The following BMP3 variants were observed in gnomAD, a reference collection of about 807,000 sequenced individuals.
The protein encoded by BMP3 is bone morphogenetic protein 3.
Under a neutral mutation model 38.1 loss-of-function variants are expected in BMP3, and 23 were observed. The ratio of observed to expected loss-of-function variants is 0.60; its 90% CI spans 0.43 to 0.86. The LOEUF is 0.86. Among genes scored for constraint, BMP3 ranks in the 40% least tolerant of loss-of-function variants. The pLI is 0.00. For missense variants in BMP3, 628 were observed against 579.6 expected, an observed-to-expected ratio of 1.08 and a Z score of -0.86; for synonymous variants, 258 against 225.7, an observed-to-expected ratio of 1.14 and a Z score of -1.28.
intron 1 of BMP3, among the ~76,000 whole-genome samples, chr4:81,036,032 A>G (rs10031561): frequency 0.67 from 102,118 of 151,830 alleles, 39,282 homozygotes; most frequent in Non-Finnish European, 0.85. Flanking sequence ...GCATTGTACC[A>G]TCTTCCTGCT....
intron 2 of BMP3, among the ~76,000 whole-genome samples, chr4:81,051,395 C>T (rs1213002808): frequency 6.6e-6 from 1 of 152,114 alleles, no homozygotes; most frequent in Non-Finnish European, 1.5e-5. Flanking sequence ...CAGCAATGCA[C>T]AGGAGAATTT....
rs1490953520 is a variant in BMP3 at position 81,046,795 on chromosome 4, T to C, written c.1227+147T>C. On this transcript the variant is annotated intron_variant, in intron 2 of 2. Transcript: ENST00000282701. The stretch of plus-strand genomic sequence containing the variant: ...ATTGGGACCCTTATTTACTACATTC[T>C]AAACCATAATAGGTAATATGGTTAT... 4 of 848,230 alleles carry C rather than the reference T, an allele frequency of 4.7e-6. No individual in the cohort carries two copies. The East Asian group carries it at 9.9e-5, about 21-fold the overall frequency. The allele number at this position is 848,230 out of a possible 1,614,324, so 52.5% of individuals were successfully genotyped here.
intron 2 of BMP3, among the ~76,000 whole-genome samples, chr4:81,047,992 T>C (rs916313607): frequency 1.3e-5 from 2 of 149,942 alleles, no homozygotes; most frequent in Non-Finnish European, 3.0e-5. Context: ...AGCACAAGGC[T>C]GGGTTAGCCT....
chr4:81,031,236 G>C lies in BMP3; in HGVS notation c.-49G>C, dbSNP rs762652353. 6 of 1,506,538 alleles carry C rather than the reference G, an allele frequency of 4.0e-6. No homozygotes were observed. The South Asian group carries it at 5.3e-5, about 13-fold the overall frequency. The allele number at this position is 1,506,538 out of a possible 1,614,324, so 93.3% of individuals were successfully genotyped here. On this transcript the variant is annotated 5_prime_UTR_variant, in exon 1 of 3. Coordinates refer to ENST00000282701, the MANE Select transcript of BMP3 (RefSeq NM_001201.5). ...GCCGCCGGCTCCTTGCGCCTTCGGA[G>C]TGTCCCGCAGCGACGCCGGGAGCCG...
At chr4:81,035,032 T>C (rs1282745937) in intron 1 of BMP3, among the ~76,000 whole-genome samples, 2 of 152,074 alleles carry the variant, frequency 1.3e-5, no homozygotes, top group African/African-American at 4.8e-5. Flanking sequence ...AATTTAAAAG[T>C]ACTTGGATAA....
chr4:81,046,489 G>T lies in BMP3; in HGVS notation c.1068G>T (p.Leu356=). The T allele has an allele frequency of 6.2e-7, 1 of 1,614,026 alleles. No individual in the cohort carries two copies. The highest frequency in any genetic ancestry group is 8.5e-7 in the Non-Finnish European group (1 of 1,179,980). The part of the protein sequence containing the change: ...SQTLQFDEQT[L]KKARRKQWIE... ...CGCTCCAATTTGATGAGCAGACCCT[G>T]AAAAAGGCAAGGAGAAAGCAGTGGA... The change falls in exon 2 of 3, where the codon CTG becomes CTT. Residue 356 remains leucine, a synonymous_variant. Transcript: ENST00000282701.
chr4:81,038,716 T>C (rs1462311553), intron 1 of BMP3, among the ~76,000 whole-genome samples: 3 of 152,224 alleles, frequency 2.0e-5, no homozygotes, highest in Non-Finnish European at 2.9e-5. Flanking sequence ...GTTTTTATGC[T>C]TTGGTGTTAA....
chr4:81,052,305 A>G (rs6854139), intron 2 of BMP3, among the ~76,000 whole-genome samples: 1 of 152,158 alleles, frequency 6.6e-6, no homozygotes, highest in Non-Finnish European at 1.5e-5. Flanking sequence ...CTAAAAGAGG[A>G]ATCGAGAAAC....
Position 81,053,600 on chromosome 4 carries a change from T to TA in BMP3, c.*64_*65insA, listed in dbSNP as rs1740459040. ...TAGTTTATTTTTATGGACTTCTTCC[T>TA]GTTTTTTTTTTTTTTTTTTTTGCAC... On this transcript the variant is annotated 3_prime_UTR_variant, in exon 3 of 3. Coordinates refer to ENST00000282701, the MANE Select transcript of BMP3 (RefSeq NM_001201.5). 1 of 835,230 alleles carries TA rather than the reference T, an allele frequency of 1.2e-6. No homozygotes were observed. Among genetic ancestry groups the TA allele is most frequent in the Admixed American group, 5.7e-5 (1 of 17,630 alleles). The allele number at this position is 835,230 out of a possible 1,614,324, so 51.7% of individuals were successfully genotyped here.
rs1471672122 is a variant in BMP3 at position 81,056,174 on chromosome 4, A to T, written c.*2638A>T. The T allele has an allele frequency of 6.6e-6, 1 of 152,096 alleles. No individual in the cohort carries two copies. The highest frequency in any genetic ancestry group is 1.5e-5 in the Non-Finnish European group (1 of 68,022). 9.4% of individuals were successfully genotyped at this position (152,096 alleles called of 1,614,324 possible). ...GAAGCTTTAGAAATCTCCTGATATT[A>T]AATTATTAAATTGGCATTCATGAAA... is the stretch of plus-strand genomic sequence containing the variant. On this transcript the variant is annotated 3_prime_UTR_variant, in exon 3 of 3. Transcript: ENST00000282701.
chr4:81,048,761 G>A (rs1372059239), intron 2 of BMP3, among the ~76,000 whole-genome samples: 1 of 152,158 alleles, frequency 6.6e-6, no homozygotes, highest in Non-Finnish European at 1.5e-5. Flanking sequence ...ATAATTAAAT[G>A]TACACGCTTG....
intron 2 of BMP3, among the ~76,000 whole-genome samples, chr4:81,053,028 TA>T (rs970977868): frequency 1.1e-4 from 16 of 152,190 alleles, no homozygotes; most frequent in African/African-American, 3.9e-4. Context: ...TTAAATCCTC[TA>T]CCATTTACAA....
At chr4:81,032,756 G>T (rs921298298) in intron 1 of BMP3, among the ~76,000 whole-genome samples, 2 of 152,212 alleles carry the variant, frequency 1.3e-5, no homozygotes, top group African/African-American at 2.4e-5. Flanking sequence ...GCCCTGCATT[G>T]TCTGTGTAAA....
Position 81,031,554 on chromosome 4 carries a change from C to T in BMP3, c.270C>T (p.Leu90=), listed in dbSNP as rs1739770316. The T allele has an allele frequency of 4.3e-6, 7 of 1,610,622 alleles. No individual in the cohort carries two copies. The highest frequency in any genetic ancestry group is 3.3e-5 in the South Asian group (3 of 90,394). Residue 90 remains leucine, a synonymous_variant, in exon 1 of 3, where the codon CTC becomes CTT. Coordinates refer to ENST00000282701, the MANE Select transcript of BMP3 (RefSeq NM_001201.5). ...GCTCGCAGCCCTGGCGCCCTCGGCT[C>T]CTGCGCGAAGGCAACACGGTTCGCA... ...EGGSQPWRPR[L]LREGNTVRSF...
chr4:81,039,900 GGATC>G (rs1285111945), intron 1 of BMP3, among the ~76,000 whole-genome samples: 1 of 152,170 alleles, frequency 6.6e-6, no homozygotes. Context: ...AATAGAGGCA[GGATC>G]CTAGCCAAGG....
At position 81,040,637 on chromosome 4, in the gene BMP3, A is replaced by G. The variant is rs902293122; in HGVS notation, c.317-5101A>G. Among the ~76,000 whole-genome samples the G allele has an allele frequency of 2.0e-5, 3 of 152,058 alleles. No individual in the cohort carries two copies. In the East Asian group the frequency reaches 5.8e-4, roughly 29 times the overall value. On this transcript the variant is annotated intron_variant, in intron 1 of 2. Transcript: ENST00000282701. The stretch of plus-strand genomic sequence containing the variant: ...CAGGCAATGTTTTCTTATTTATTCA[A>G]CTCAAATCTATGAGATAGTTTCCAG...
In BMP3 at chr4:81,031,502, C is replaced by T; in HGVS notation, c.218C>T (p.Ala73Val). The T allele has an allele frequency of 1.2e-6, 2 of 1,612,886 alleles. No individual in the cohort carries two copies. Among genetic ancestry groups the T allele is most frequent in the Non-Finnish European group, 1.7e-6 (2 of 1,179,704 alleles). The stretch of plus-strand genomic sequence containing the variant: ...GACAGGTACAGCACGGTCCAGGCGG[C>T]CCGGACACCGGGCTCCCTGGAGGGA... ...LYDRYSTVQA[A>V]RTPGSLEGGS... Residue 73 changes from alanine (A) to valine (V), a missense_variant, in exon 1 of 3, where the codon GCC becomes GTC. Transcript: ENST00000282701.
In BMP3 at chr4:81,052,832, A is replaced by G. The variant is rs146746469; in HGVS notation, c.1228-513A>G. Among the ~76,000 whole-genome samples, 3 of 152,286 alleles carry G rather than the reference A, an allele frequency of 2.0e-5. No homozygotes were observed. In the East Asian group the frequency reaches 5.8e-4, roughly 29 times the overall value. On this transcript the variant is annotated intron_variant, in intron 2 of 2. Coordinates refer to ENST00000282701, the MANE Select transcript of BMP3 (RefSeq NM_001201.5). ...TTTTAACAACAATGCCTAAATATCAATATAGCAGTGGCAATAATGTATCTC... is the reference window on the plus strand; with the variant it reads ...TTTTAACAACAATGCCTAAATATCAGTATAGCAGTGGCAATAATGTATCTC...
chr4:81,051,043 C>T (rs1740389749), intron 2 of BMP3, among the ~76,000 whole-genome samples: 1 of 151,966 alleles, frequency 6.6e-6, no homozygotes, highest in South Asian at 2.1e-4. Context: ...GGGAAACTTC[C>T]TAGTAATCTG....
Sources: allele counts gnomAD v4.1 joint callset (sites outside exome capture counted in the v4.1 genomes callset), GRCh38; gene constraint gnomAD v4.1.1; transcripts MANE v1.5; gene names NCBI Gene and HGNC (gene_info 2026-07-23, HGNC 2026-07-21).